TIPARP: variants seen among roughly 807,000 people sequenced by gnomAD.
TIPARP encodes the protein TCDD inducible poly(ADP-ribose) polymerase, also known as protein mono-ADP-ribosyltransferase TIPARP.
A neutral mutation model predicts 56.5 loss-of-function variants in TIPARP; 12 were observed. The observed-to-expected ratio is 0.21, with a 90% CI of 0.14 to 0.34. TIPARP has a LOEUF of 0.34. TIPARP is among the 10% of genes least tolerant of loss of function. TIPARP has a pLI of 1.00. For missense variants in TIPARP, 604 were observed against 781.6 expected, an observed-to-expected ratio of 0.77 and a Z score of 2.71; for synonymous variants, 296 against 265.7, an observed-to-expected ratio of 1.11 and a Z score of -1.11.
At chr3:156,682,305 A>G (rs929741619) in intron 2 of TIPARP, among the ~76,000 whole-genome samples, 5 of 152,184 alleles carry the variant, frequency 3.3e-5, no homozygotes, top group African/African-American at 1.2e-4. Flanking sequence ...CCCTGAATCC[A>G]TTATTAATTT....
rs1026833176 is a variant in TIPARP at position 156,705,642 on chromosome 3, A to T, written c.*511A>T. 7 of 152,930 alleles carry T rather than the reference A, an allele frequency of 4.6e-5. No homozygotes were observed. The East Asian group carries it at 1.2e-3, about 25-fold the overall frequency. 9.5% of individuals were successfully genotyped at this position (152,930 alleles called of 1,614,324 possible). ...CATGAAATTCTGGTGGGTAGAAAGAAATTTTTATTTCTATCAGCAGTACTA... is the reference window on the plus strand; with the variant it reads ...CATGAAATTCTGGTGGGTAGAAAGATATTTTTATTTCTATCAGCAGTACTA... On this transcript the variant is annotated 3_prime_UTR_variant, in exon 6 of 6. Coordinates refer to ENST00000295924, the MANE Select transcript of TIPARP (RefSeq NM_015508.5).
rs758027374 is a variant in TIPARP at position 156,678,625 on chromosome 3, A to G, written c.917+11A>G. On this transcript the variant is annotated intron_variant, in intron 2 of 5. Coordinates refer to ENST00000295924, the MANE Select transcript of TIPARP (RefSeq NM_015508.5). ...GAGAATGAAGTATGGGTATGTATTT[A>G]TAACAACTTGTAGAACTGTTGTTAA... 9 of 1,601,806 alleles carry G rather than the reference A, an allele frequency of 5.6e-6. No homozygotes were observed. Among genetic ancestry groups the G allele is most frequent in the Non-Finnish European group, 6.8e-6 (8 of 1,173,554 alleles).
At chr3:156,683,815 T>C (rs1332691166) in intron 2 of TIPARP, among the ~76,000 whole-genome samples, 1 of 152,204 alleles carries the variant, frequency 6.6e-6, no homozygotes, top group Non-Finnish European at 1.5e-5. Context: ...ATGCAAACCT[T>C]GACTACTCAA....
At chr3:156,702,556 G>A (rs1722875700) in intron 4 of TIPARP, among the ~76,000 whole-genome samples, 1 of 152,162 alleles carries the variant, frequency 6.6e-6, no homozygotes, top group Non-Finnish European at 1.5e-5. Flanking sequence ...CTTGTGACCA[G>A]TATGTGCCAA....
intron 2 of TIPARP, among the ~76,000 whole-genome samples, chr3:156,680,441 C>T (rs1235607008): frequency 6.6e-6 from 1 of 152,154 alleles, no homozygotes; most frequent in African/African-American, 2.4e-5. Context: ...ATTTTATATA[C>T]TCTCAAAGCC....
In TIPARP at chr3:156,677,769, A is replaced by C; in HGVS notation, c.72A>C (p.Ser24=). Residue 24 remains serine (S), a synonymous_variant, in exon 2 of 6, where the codon TCA becomes TCC. Transcript: ENST00000295924. The stretch of plus-strand genomic sequence containing the variant: ...CTCCCTCTCCTCCTGATGACTTTTC[A>C]TGCCAAATGAGACTCTCTGAGAAGA... The part of the protein sequence containing the change: ...VQPPSPPDDF[S]CQMRLSEKIT... 6.2e-7 allele frequency: 1 copy of C among 1,613,994 alleles called. No homozygotes were observed. The highest frequency in any genetic ancestry group is 1.1e-5 in the South Asian group (1 of 91,060).
chr3:156,704,783 C>A lies in TIPARP; in HGVS notation c.1626C>A (p.Ile542=), dbSNP rs761237113. The change falls in exon 6 of 6, where the codon ATC becomes ATA. Residue 542 remains isoleucine, a synonymous_variant. Transcript: ENST00000295924. ...HGTSQDVVDG[I]CKHNFDPRVC... ...CATCCCAGGATGTGGTAGATGGAATCTGCAAACACAACTTTGACCCTCGAG... is the reference window on the plus strand; with the variant it reads ...CATCCCAGGATGTGGTAGATGGAATATGCAAACACAACTTTGACCCTCGAG... 6.2e-7 allele frequency: 1 copy of A among 1,614,208 alleles called. No homozygotes were observed. The highest frequency in any genetic ancestry group is 8.5e-7 in the Non-Finnish European group (1 of 1,180,032).
At chr3:156,681,189 G>C in intron 2 of TIPARP, 1 of 456,606 alleles carries the variant, frequency 2.2e-6, no homozygotes, top group African/African-American at 2.0e-5. Flanking sequence ...GAGCAGCCCA[G>C]GTTCACATGG....
chr3:156,704,600 A>G (rs1722934646), intron 5 of TIPARP, 84 bp from the exon 6 acceptor site: 4 of 1,413,952 alleles, frequency 2.8e-6, no homozygotes, highest in Non-Finnish European at 2.9e-6. Context: ...TTAAAACCAT[A>G]AAGAGAAGTT....
chr3:156,696,851 G>A (rs535738990), intron 4 of TIPARP, among the ~76,000 whole-genome samples: 7 of 152,170 alleles, frequency 4.6e-5, no homozygotes, highest in Non-Finnish European at 8.8e-5. Flanking sequence ...GAAGTCTAGC[G>A]TAATGGTTGG....
At chr3:156,685,821 A>G (rs1020282005) in intron 2 of TIPARP, among the ~76,000 whole-genome samples, 5 of 152,230 alleles carry the variant, frequency 3.3e-5, no homozygotes, top group African/African-American at 7.2e-5. Context: ...GTGAGGACCA[A>G]AGGGTGAACT....
At chr3:156,675,017 C>T (rs954155514) in intron 1 of TIPARP, 1 of 152,348 alleles carries the variant, frequency 6.6e-6, no homozygotes, top group Non-Finnish European at 1.5e-5. Flanking sequence ...CACTTAGAGC[C>T]TGTGGCAGGT....
At chr3:156,679,117 CT>C (rs1020091417) in intron 2 of TIPARP, among the ~76,000 whole-genome samples, 2 of 152,062 alleles carry the variant, frequency 1.3e-5, no homozygotes, top group African/African-American at 4.8e-5. Flanking sequence ...TCCTCCCATA[CT>C]TCTGGATCTT....
intron 4 of TIPARP, among the ~76,000 whole-genome samples, chr3:156,700,800 G>A (rs897316705): frequency 4.6e-5 from 7 of 152,186 alleles, no homozygotes; most frequent in Non-Finnish European, 1.5e-5. Context: ...TTTCAAAATG[G>A]TAAGGGGAAG....
chr3:156,680,448 A>G (rs1166402133), intron 2 of TIPARP, among the ~76,000 whole-genome samples: 2 of 152,174 alleles, frequency 1.3e-5, no homozygotes, highest in Non-Finnish European at 2.9e-5. Flanking sequence ...ATACTCTCAA[A>G]GCCACTCTAA....
At chr3:156,692,533 A>T (rs575825212) in intron 2 of TIPARP, among the ~76,000 whole-genome samples, 1 of 152,066 alleles carries the variant, frequency 6.6e-6, no homozygotes. Flanking sequence ...ACCATATCCA[A>T]CTAGTTAGTA....
Position 156,678,085 on chromosome 3 carries a change from G to A in TIPARP, c.388G>A (p.Ala130Thr). 3.1e-6 allele frequency: 5 copies of A among 1,614,066 alleles called. No individual in the cohort carries two copies. Among genetic ancestry groups the A allele is most frequent in the Non-Finnish European group, 4.2e-6 (5 of 1,180,020 alleles). The change falls in exon 2 of 6, where the codon GCT becomes ACT. Residue 130 changes from alanine (A) to threonine (T), a missense_variant. This residue lies in a region of TIPARP where 261 missense variants were observed against 279.2 expected (regional missense o/e 0.93). Transcript: ENST00000295924. ...QIPEAHPSTE[A>T]PERVVPIQDH... ...ACCGGAAGCCCATCCTTCCACTGAA[G>A]CTCCAGAACGAGTGGTTCCAATCCA...
chr3:156,698,507 C>T (rs754170930), intron 4 of TIPARP, among the ~76,000 whole-genome samples: 36 of 152,162 alleles, frequency 2.4e-4, no homozygotes, highest in Non-Finnish European at 4.4e-5. Context: ...TCTACTCTGC[C>T]TGTGCTCTAT....
intron 5 of TIPARP, among the ~76,000 whole-genome samples, chr3:156,704,295 T>C (rs1401505958): frequency 6.6e-6 from 1 of 152,188 alleles, no homozygotes; most frequent in African/African-American, 2.4e-5. Flanking sequence ...GAGGCCTTGC[T>C]CTTAATCCCT....
Sources: gnomAD v4.1 joint callset for allele counts (sites outside exome capture counted in the v4.1 genomes callset) on GRCh38, gnomAD v4.1.1 for gene constraint, gnomAD v4.1.1 regional missense constraint, MANE v1.5 for transcripts, NCBI Gene and HGNC (gene_info 2026-07-23, HGNC 2026-07-21) for gene names.